Variants in ADAM10 observed in about 807,000 individuals in gnomAD.
The protein encoded by ADAM10 is disintegrin and metalloproteinase domain-containing protein 10.
A neutral mutation model predicts 90.1 loss-of-function variants in ADAM10; 17 were observed. The ratio of observed to expected loss-of-function variants is 0.19; its 90% CI spans 0.13 to 0.28. ADAM10 has a LOEUF of 0.28. Among genes scored for constraint, ADAM10 ranks in the 10% least tolerant of loss-of-function variants. ADAM10 has a pLI of 1.00. For missense variants in ADAM10, 610 were observed against 914.3 expected (o/e 0.67, Z 4.29); for synonymous variants, 310 against 298.6 (o/e 1.04, Z -0.40).
intron 15 of ADAM10, 37 bp downstream of exon 15, chr15:58,599,561 A>C (rs1895053437): frequency 6.2e-7 from 1 of 1,607,332 alleles, no homozygotes; most frequent in Non-Finnish European, 8.5e-7. Flanking sequence ...AACAATTCTG[A>C]GTTACATAAA....
At chr15:58,659,927 T>A (rs1896928023) in intron 5 of ADAM10, among the ~76,000 whole-genome samples, 1 of 152,160 alleles carries the variant, frequency 6.6e-6, no homozygotes, top group African/African-American at 2.4e-5. Flanking sequence ...AGAGACAGGG[T>A]TTCACTGTGT....
chr15:58,729,594 C>T (rs1283978921), intron 1 of ADAM10, among the ~76,000 whole-genome samples: 1 of 152,166 alleles, frequency 6.6e-6, no homozygotes, highest in Non-Finnish European at 1.5e-5. Flanking sequence ...AGCAGCTATA[C>T]AGGTTGAGTA....
intron 11 of ADAM10, among the ~76,000 whole-genome samples, chr15:58,612,404 C>A (rs1312516944): frequency 2.0e-5 from 3 of 152,112 alleles, no homozygotes; most frequent in Non-Finnish European, 2.9e-5. Flanking sequence ...GCCTACAGGC[C>A]AAACAACTCT....
At chr15:58,659,708 C>T (rs1166571826) in intron 5 of ADAM10, among the ~76,000 whole-genome samples, 1 of 152,010 alleles carries the variant, frequency 6.6e-6, no homozygotes, top group Admixed American at 6.5e-5. Flanking sequence ...TAACACTGCC[C>T]TCATAAAATG....
intron 4 of ADAM10, among the ~76,000 whole-genome samples, chr15:58,670,216 A>G (rs1453067502): frequency 6.6e-6 from 1 of 151,760 alleles, no homozygotes; most frequent in Non-Finnish European, 1.5e-5. Flanking sequence ...AAAAAATAGG[A>G]GACATTTTTG....
chr15:58,684,045 T>G (rs1456601564), intron 2 of ADAM10, among the ~76,000 whole-genome samples: 1 of 152,176 alleles, frequency 6.6e-6, no homozygotes, highest in African/African-American at 2.4e-5. Flanking sequence ...TACATCCTCC[T>G]GTACACTTTA....
chr15:58,736,551 T>C (rs1899436963), intron 1 of ADAM10, among the ~76,000 whole-genome samples: 1 of 152,028 alleles, frequency 6.6e-6, no homozygotes, highest in Admixed American at 6.6e-5. Flanking sequence ...TTTTATGAAA[T>C]GCAAGCATAC....
At chr15:58,690,734 CTT>C (rs1283036144) in intron 2 of ADAM10, among the ~76,000 whole-genome samples, 2 of 152,202 alleles carry the variant, frequency 1.3e-5, no homozygotes, top group Non-Finnish European at 2.9e-5. Context: ...GGTATAAACT[CTT>C]AATCTACTTC....
intron 2 of ADAM10, among the ~76,000 whole-genome samples, chr15:58,693,335 G>T (rs1897884288): frequency 1.3e-5 from 2 of 152,118 alleles, no homozygotes; most frequent in African/African-American, 4.8e-5. Context: ...TTTACTGTAT[G>T]GATTCTGCCT....
chr15:58,744,402 C>T (rs1899719880), intron 1 of ADAM10, among the ~76,000 whole-genome samples: 2 of 152,006 alleles, frequency 1.3e-5, no homozygotes, highest in Non-Finnish European at 2.9e-5. Context: ...CTAGAAACAA[C>T]CAATTAGAAG....
At chr15:58,693,066 G>C in intron 2 of ADAM10, 5 of 748,878 alleles carry the variant, frequency 6.7e-6, no homozygotes, top group Non-Finnish European at 5.0e-6. Context: ...AAGCATTAGA[G>C]ATCAACTCCT....
intron 11 of ADAM10, among the ~76,000 whole-genome samples, chr15:58,617,642 A>C (rs535441235): frequency 1.3e-5 from 2 of 152,294 alleles, no homozygotes; most frequent in African/African-American, 4.8e-5. Flanking sequence ...AGACAGCATA[A>C]TCTTATATAT....
chr15:58,646,321 T>C, intron 5 of ADAM10, 117 bp from the exon 6 acceptor site: 1 of 1,046,576 alleles, frequency 9.6e-7, no homozygotes, highest in South Asian at 1.4e-5. Flanking sequence ...ACCATAGGTA[T>C]TTCTGCTGCC....
chr15:58,684,268 G>C (rs957283573), intron 2 of ADAM10, among the ~76,000 whole-genome samples: 1 of 152,188 alleles, frequency 6.6e-6, no homozygotes, highest in Admixed American at 6.5e-5. Context: ...TCCTGGCACA[G>C]TGCTCCTAAA....
intron 2 of ADAM10, among the ~76,000 whole-genome samples, chr15:58,712,757 G>C (rs1267641225): frequency 6.6e-6 from 1 of 151,920 alleles, no homozygotes; most frequent in Non-Finnish European, 1.5e-5. Flanking sequence ...ACCCAGGAGA[G>C]GGAGCTTGCA....
At chr15:58,676,523 T>C (rs1897304481) in intron 4 of ADAM10, among the ~76,000 whole-genome samples, 1 of 152,202 alleles carries the variant, frequency 6.6e-6, no homozygotes, top group Non-Finnish European at 1.5e-5. Context: ...CTCCCATCTG[T>C]TTTTGTTTGA....
At chr15:58,723,703 C>T (rs1898934763) in intron 1 of ADAM10, among the ~76,000 whole-genome samples, 1 of 151,414 alleles carries the variant, frequency 6.6e-6, no homozygotes, top group Non-Finnish European at 1.5e-5. Flanking sequence ...GAGCCTCCAC[C>T]TCAAAAAATA....
intron 1 of ADAM10, among the ~76,000 whole-genome samples, chr15:58,720,249 T>G (rs1431872313): frequency 6.6e-6 from 1 of 152,182 alleles, no homozygotes; most frequent in African/African-American, 2.4e-5. Flanking sequence ...TTCCTTCTCC[T>G]CTTGAACACA....
intron 10 of ADAM10, among the ~76,000 whole-genome samples, chr15:58,623,589 T>C (rs1415437831): frequency 6.6e-5 from 10 of 152,020 alleles, no homozygotes; most frequent in African/African-American, 2.4e-4. Context: ...ATAGACTGGA[T>C]AAATAAAATG....
Sources: gnomAD v4.1 joint callset for allele counts (sites outside exome capture counted in the v4.1 genomes callset) on GRCh38, gnomAD v4.1.1 for gene constraint, MANE v1.5 for transcripts, NCBI Gene and HGNC (gene_info 2026-07-23, HGNC 2026-07-21) for gene names.